The following UNC5D variants were observed in gnomAD, a reference collection of about 807,000 sequenced individuals.
UNC5D encodes netrin receptor UNC5D.
UNC5D carries 39 observed loss-of-function variants against 105.4 expected under a neutral mutation model. That is an observed-to-expected ratio of 0.37 (90% CI 0.29 to 0.48). The LOEUF is 0.48. UNC5D is among the 20% of genes least tolerant of loss of function. UNC5D has a pLI of 0.98. For synonymous variants in UNC5D, 452 were observed against 450.4 expected, an observed-to-expected ratio of 1.00 and a Z score of -0.04; for missense variants, 991 against 1,202.4, an observed-to-expected ratio of 0.82 and a Z score of 2.60.
chr8:35,451,462 A>G (rs1298161427), intron 1 of UNC5D, among the ~76,000 whole-genome samples: 1 of 152,124 alleles, frequency 6.6e-6, no homozygotes, highest in East Asian at 1.9e-4. Context: ...AGTCTTTACA[A>G]TGGTCCAAAG....
intron 1 of UNC5D, among the ~76,000 whole-genome samples, chr8:35,442,120 C>T (rs1807446312): frequency 6.6e-6 from 1 of 151,722 alleles, no homozygotes; most frequent in African/African-American, 2.4e-5. Context: ...TTGACATAAA[C>T]ACATTTGGCT....
intron 11 of UNC5D, 69 bp from the exon 12 acceptor site, chr8:35,748,458 C>G (rs964355879): frequency 6.6e-7 from 1 of 1,509,760 alleles, no homozygotes; most frequent in Non-Finnish European, 8.9e-7. Flanking sequence ...GTCTGTTAAC[C>G]AAATTCTCAT....
chr8:35,362,649 G>A (rs1801916425), intron 1 of UNC5D, among the ~76,000 whole-genome samples: 1 of 152,118 alleles, frequency 6.6e-6, no homozygotes, highest in African/African-American at 2.4e-5. Context: ...CTGTAAATCT[G>A]TCTCATTCCC....
At chr8:35,310,014 C>A (rs532658597) in intron 1 of UNC5D, among the ~76,000 whole-genome samples, 1 of 152,084 alleles carries the variant, frequency 6.6e-6, no homozygotes, top group Non-Finnish European at 1.5e-5. Context: ...AGTGTTTCTG[C>A]AGTTTTGAGG....
At chr8:35,514,164 G>A (rs373705233) in intron 1 of UNC5D, among the ~76,000 whole-genome samples, 74 of 152,322 alleles carry the variant, frequency 4.9e-4, no homozygotes, top group African/African-American at 1.7e-3. Context: ...CTGCAGCCAC[G>A]TGAATACTTG....
intron 4 of UNC5D, among the ~76,000 whole-genome samples, chr8:35,608,917 A>T (rs1820497788): frequency 1.3e-5 from 2 of 152,050 alleles, no homozygotes; most frequent in South Asian, 2.1e-4. Flanking sequence ...TGGCGGGTAG[A>T]TACTCAGTAG....
chr8:35,433,347 G>GTCTCAAATCATTTAAAAT (rs1187997047), intron 1 of UNC5D, among the ~76,000 whole-genome samples: 2 of 152,094 alleles, frequency 1.3e-5, no homozygotes, highest in Non-Finnish European at 2.9e-5. Context: ...GTAATATTGA[G>GTCTCAAATCATTTAAAAT]TCTCAAATCA....
At chr8:35,399,203 G>A (rs769715447) in intron 1 of UNC5D, among the ~76,000 whole-genome samples, 6 of 150,332 alleles carry the variant, frequency 4.0e-5, no homozygotes, top group Non-Finnish European at 7.4e-5. Context: ...TCTCACCATT[G>A]GAGGGAGGAA....
intron 2 of UNC5D, among the ~76,000 whole-genome samples, chr8:35,565,115 G>A (rs1161595470): frequency 6.6e-6 from 1 of 152,068 alleles, no homozygotes; most frequent in African/African-American, 2.4e-5. Context: ...CCCAGTAGTG[G>A]GATTACTGGA....
intron 4 of UNC5D, among the ~76,000 whole-genome samples, chr8:35,601,064 C>A (rs1395154848): frequency 6.6e-6 from 1 of 152,110 alleles, no homozygotes; most frequent in Non-Finnish European, 1.5e-5. Flanking sequence ...GGAATCCTAT[C>A]CCTATTGCTT....
chr8:35,237,192 T>G (rs1802528634), intron 1 of UNC5D, among the ~76,000 whole-genome samples: 1 of 147,600 alleles, frequency 6.8e-6, no homozygotes, highest in Admixed American at 6.8e-5. Context: ...TTTTTTTTTT[T>G]TTTTTTTTTT....
intron 1 of UNC5D, among the ~76,000 whole-genome samples, chr8:35,277,055 A>T (rs1039851738): frequency 6.6e-6 from 1 of 152,214 alleles, no homozygotes; most frequent in African/African-American, 2.4e-5. Context: ...ACACATAGAC[A>T]TATAGCTTAG....
intron 1 of UNC5D, among the ~76,000 whole-genome samples, chr8:35,326,156 G>C (rs1810144563): frequency 6.6e-6 from 1 of 152,134 alleles, no homozygotes; most frequent in South Asian, 2.1e-4. Flanking sequence ...TCTCATTATG[G>C]AGTTATTCAG....
intron 1 of UNC5D, among the ~76,000 whole-genome samples, chr8:35,418,820 T>G (rs1805699152): frequency 6.6e-6 from 1 of 152,208 alleles, no homozygotes; most frequent in African/African-American, 2.4e-5. Context: ...TGTCAAAAAT[T>G]GTTTAGTACA....
At chr8:35,732,603 T>C (rs1829252530) in intron 11 of UNC5D, among the ~76,000 whole-genome samples, 1 of 152,152 alleles carries the variant, frequency 6.6e-6, no homozygotes, top group Non-Finnish European at 1.5e-5. Flanking sequence ...CTATCTGAAT[T>C]TGTGGTTATG....
At chr8:35,333,748 G>A (rs1810813323) in intron 1 of UNC5D, among the ~76,000 whole-genome samples, 1 of 152,124 alleles carries the variant, frequency 6.6e-6, no homozygotes, top group African/African-American at 2.4e-5. Context: ...CCAAAGTGCT[G>A]GGATTACAGG....
intron 1 of UNC5D, among the ~76,000 whole-genome samples, chr8:35,492,774 T>C (rs1811293667): frequency 6.6e-6 from 1 of 152,016 alleles, no homozygotes; most frequent in South Asian, 2.1e-4. Flanking sequence ...AAGGAGAAGA[T>C]ACTAGTCTGT....
rs1025589850 is a variant in UNC5D at position 35,795,941 on chromosome 8, C to G, written c.*5378C>G. The stretch of plus-strand genomic sequence containing the variant: ...GGAAAACTGGCTCATTCTTCTGACC[C>G]AAACTCAAAAAATATGAGTACTTGC... On this transcript the variant is annotated 3_prime_UTR_variant, in exon 17 of 17. Transcript: ENST00000404895. 9 of 152,204 alleles carry G rather than the reference C, an allele frequency of 5.9e-5. No individual in the cohort carries two copies. Among genetic ancestry groups the G allele is most frequent in the Admixed American group, 5.9e-4 (9 of 15,280 alleles). The allele number at this position is 152,204 out of a possible 1,614,324, so 9.4% of individuals were successfully genotyped here. A position where few individuals can be genotyped will look rare whatever the true frequency, so the allele number is the denominator to read the frequency against.
At chr8:35,684,844 C>A in intron 6 of UNC5D, 95 bp downstream of exon 6, 1 of 1,433,540 alleles carries the variant, frequency 7.0e-7, no homozygotes. Flanking sequence ...CCAAAGTTAC[C>A]CTCTCCCAAG....
Sources: gnomAD v4.1 joint callset for allele counts (sites outside exome capture counted in the v4.1 genomes callset) on GRCh38, gnomAD v4.1.1 for gene constraint, MANE v1.5 for transcripts, NCBI Gene and HGNC (gene_info 2026-07-23, HGNC 2026-07-21) for gene names.